Variants in ABI1 observed in about 807,000 individuals in gnomAD.
ABI1 encodes the protein Abelson interactor 1.
ABI1 carries 14 observed loss-of-function variants against 54.6 expected under a neutral mutation model. That is an observed-to-expected ratio of 0.26 (90% CI 0.17 to 0.40). The LOEUF is 0.40. ABI1 is among the 10% of genes least tolerant of loss of function. The probability of loss-of-function intolerance (pLI) is 1.00; values close to 1 mark genes in which losing one functional copy is unlikely to be tolerated. For missense variants in ABI1, 443 were observed against 598.3 expected (o/e 0.74, Z 2.71); for synonymous variants, 194 against 209.3 (o/e 0.93, Z 0.63).
intron 6 of ABI1, among the ~76,000 whole-genome samples, chr10:26,766,164 A>G (rs1445371239): frequency 6.6e-6 from 1 of 152,242 alleles, no homozygotes; most frequent in Non-Finnish European, 1.5e-5. Flanking sequence ...GAAAATAAGC[A>G]TAACGACAAA....
At chr10:26,760,107 CTCATA>C (rs1285543419) in intron 7 of ABI1, among the ~76,000 whole-genome samples, 1 of 151,428 alleles carries the variant, frequency 6.6e-6, no homozygotes, top group Non-Finnish European at 1.5e-5. Context: ...AATTAGCATG[CTCATA>C]TATTTTCATC....
rs924312687 is a variant in ABI1, at chr10:26,771,930, T to TA, written c.463-842dup. Among the ~76,000 whole-genome samples, 7 of 148,442 alleles carry TA rather than the reference T, an allele frequency of 4.7e-5. No individual in the cohort carries two copies. In the East Asian group the frequency reaches 7.8e-4, roughly 16 times the overall value. ...AGCATCACTACTTGTACAATGCCAC[T>TA]AAAAAAAAATATCTTCAGGTTTTAG... is the stretch of plus-strand genomic sequence containing the variant. On this transcript the variant is annotated intron_variant, in intron 3 of 10. Coordinates refer to ENST00000376140, the MANE Select transcript of ABI1 (RefSeq NM_001012750.3).
chr10:26,859,915 T>C (rs1316608387), intron 1 of ABI1, among the ~76,000 whole-genome samples: 2 of 152,048 alleles, frequency 1.3e-5, no homozygotes, highest in Admixed American at 1.3e-4. Context: ...ACAATTCGTG[T>C]TTGATAATTA....
chr10:26,855,388 T>C (rs2225015), intron 1 of ABI1, among the ~76,000 whole-genome samples: 39,074 of 151,998 alleles, frequency 0.26, 5,719 homozygotes, highest in South Asian at 0.44. Flanking sequence ...AACAGTATGA[T>C]ATGAAAAGAG....
intron 1 of ABI1, among the ~76,000 whole-genome samples, chr10:26,848,739 G>C (rs747542325): frequency 6.6e-6 from 1 of 151,134 alleles, no homozygotes; most frequent in East Asian, 1.9e-4. Context: ...CTCCCAAGTA[G>C]CTGGGATTAC....
chr10:26,777,875 AC>A (rs1299564460), intron 2 of ABI1, among the ~76,000 whole-genome samples: 5 of 151,980 alleles, frequency 3.3e-5, no homozygotes, highest in African/African-American at 1.2e-4. Flanking sequence ...CTCCCCACAC[AC>A]CCCCCAAAAA....
intron 1 of ABI1, among the ~76,000 whole-genome samples, chr10:26,828,177 A>G (rs1465981307): frequency 6.6e-6 from 1 of 152,230 alleles, no homozygotes; most frequent in Admixed American, 6.5e-5. Flanking sequence ...AGGGAGGCCC[A>G]AAGAGAGGGA....
Position 26,747,533 on chromosome 10 carries a change from T to C in ABI1, c.*1037A>G, listed in dbSNP as rs1837080916. On this transcript the variant is annotated 3_prime_UTR_variant, in exon 11 of 11. Coordinates refer to ENST00000376140, the MANE Select transcript of ABI1 (RefSeq NM_001012750.3). The stretch of plus-strand genomic sequence containing the variant: ...TTTTACAATATGTAAAAGGTACTTT[T>C]AACTTCCTTTCATTGAACCAGTGTA... The C allele has an allele frequency of 4.9e-6, 1 of 204,738 alleles. No individual in the cohort carries two copies. Among genetic ancestry groups the C allele is most frequent in the African/African-American group, 2.3e-5 (1 of 43,760 alleles). The allele number at this position is 204,738 out of a possible 1,614,324, so 12.7% of individuals were successfully genotyped here.
At chr10:26,818,631 C>CAAAA (rs376157276) in intron 2 of ABI1, among the ~76,000 whole-genome samples, 50 of 73,084 alleles carry the variant, frequency 6.8e-4, no homozygotes, top group African/African-American at 1.8e-3. Context: ...GACCCCGTCA[C>CAAAA]AAAAAAAAAA....
chr10:26,852,349 C>T (rs764735113), intron 1 of ABI1, among the ~76,000 whole-genome samples: 37 of 152,150 alleles, frequency 2.4e-4, no homozygotes, highest in Non-Finnish European at 4.1e-4. Flanking sequence ...CGTGGTGGCG[C>T]ATCCCTGTAA....
intron 2 of ABI1, among the ~76,000 whole-genome samples, chr10:26,818,631 C>CAAAAAAAAAAAAAAAAAAAAAAA (rs376157276): frequency 5.5e-5 from 4 of 73,082 alleles, no homozygotes; most frequent in African/African-American, 1.7e-4. Context: ...GACCCCGTCA[C>CAAAAAAAAAAAAAAAAAAAAAAA]AAAAAAAAAA....
At chr10:26,787,991 G>T (rs1842917723) in intron 2 of ABI1, among the ~76,000 whole-genome samples, 1 of 152,082 alleles carries the variant, frequency 6.6e-6, no homozygotes. Context: ...CTTATGATAA[G>T]GTTTGGCTCT....
intron 3 of ABI1, among the ~76,000 whole-genome samples, chr10:26,772,131 G>A (rs1017223781): frequency 2.0e-5 from 3 of 152,094 alleles, no homozygotes; most frequent in Admixed American, 6.5e-5. Flanking sequence ...GAAACTGTGC[G>A]AGAAATTTGG....
intron 1 of ABI1, among the ~76,000 whole-genome samples, chr10:26,834,307 G>A (rs2133954918): frequency 6.6e-6 from 1 of 151,994 alleles, no homozygotes; most frequent in South Asian, 2.1e-4. Flanking sequence ...AAAAAGCACA[G>A]GCAACAAAGC....
At chr10:26,764,396 C>T (rs925792916) in intron 7 of ABI1, among the ~76,000 whole-genome samples, 9 of 152,036 alleles carry the variant, frequency 5.9e-5, no homozygotes, top group Non-Finnish European at 1.2e-4. Flanking sequence ...TTGCATTTTA[C>T]TGAAATATAT....
At chr10:26,831,592 C>G (rs116467396) in intron 1 of ABI1, among the ~76,000 whole-genome samples, 67 of 152,256 alleles carry the variant, frequency 4.4e-4, no homozygotes, top group African/African-American at 1.5e-3. Flanking sequence ...TCCATATGAT[C>G]TAAGATCTAA....
rs76386079 is a variant in ABI1, at chr10:26,815,651, T to C, written c.285+7487A>G. Among the ~76,000 whole-genome samples the C allele has an allele frequency of 1.3e-4, 20 of 152,300 alleles. No homozygotes were observed. The East Asian group carries it at 3.9e-3, about 29-fold the overall frequency. On this transcript the variant is annotated intron_variant, in intron 2 of 10. Transcript: ENST00000376140. ...ATTCAGGTGCAGTGGTTCACACCTG[T>C]AGTGCCAGCACTTTGGAAGGCCAAG...
At chr10:26,770,083 T>C (rs970950679) in intron 5 of ABI1, among the ~76,000 whole-genome samples, 162 bp downstream of exon 5, 1 of 152,212 alleles carries the variant, frequency 6.6e-6, no homozygotes, top group African/African-American at 2.4e-5. Context: ...GCAGATTCAT[T>C]TGGGATTCTG....
At chr10:26,765,175 T>C in intron 7 of ABI1, 43 bp downstream of exon 7, 1 of 1,352,486 alleles carries the variant, frequency 7.4e-7, no homozygotes. Context: ...ATAAAGCTCA[T>C]AAATATTATC....
Sources: gnomAD v4.1 joint callset for allele counts (sites outside exome capture counted in the v4.1 genomes callset) on GRCh38, gnomAD v4.1.1 for gene constraint, MANE v1.5 for transcripts, NCBI Gene and HGNC (gene_info 2026-07-23, HGNC 2026-07-21) for gene names.